The following PHF21A variants were observed in gnomAD, a reference collection of about 807,000 sequenced individuals.
PHF21A encodes the protein PHD finger protein 21A, also known as BHC80a.
A neutral mutation model predicts 82.5 loss-of-function variants in PHF21A; 11 were observed. The ratio of observed to expected loss-of-function variants is 0.13; its 90% CI spans 0.08 to 0.22. The LOEUF is 0.22. Ranked by LOEUF, PHF21A falls within the 10% of genes least tolerant of loss-of-function variation. The pLI is 1.00. For missense variants in PHF21A, 579 were observed against 837.8 expected, an observed-to-expected ratio of 0.69 and a Z score of 3.81; for synonymous variants, 297 against 302.8, an observed-to-expected ratio of 0.98 and a Z score of 0.20.
At chr11:46,045,981 T>C (rs1051932694) in intron 6 of PHF21A, among the ~76,000 whole-genome samples, 1 of 152,182 alleles carries the variant, frequency 6.6e-6, no homozygotes, top group Non-Finnish European at 1.5e-5. Context: ...TAAAACTCAA[T>C]ACATTTTGGG....
At chr11:45,992,457 G>A (rs556865081) in intron 6 of PHF21A, among the ~76,000 whole-genome samples, 4 of 152,158 alleles carry the variant, frequency 2.6e-5, no homozygotes, top group South Asian at 2.1e-4. Context: ...GGAGAATGGC[G>A]TGAACCCAGG....
intron 10 of PHF21A, among the ~76,000 whole-genome samples, chr11:45,957,751 C>CAAAAAAAAAAAAAAAAAAG (rs2092766197): frequency 4.9e-5 from 3 of 60,894 alleles, no homozygotes; most frequent in African/African-American, 1.2e-4. Context: ...AAATTCAAAG[C>CAAAAAAAAAAAAAAAAAAG]AAAAAAAAAA....
Position 46,114,741 on chromosome 11 carries a change from T to A in PHF21A, c.-237+6194A>T, listed in dbSNP as rs183667120. 2.0e-5 allele frequency among the ~76,000 whole-genome samples: 3 copies of A among 152,334 alleles called. No homozygotes were observed. In the East Asian group the frequency reaches 5.8e-4, roughly 29 times the overall value. On this transcript the variant is annotated intron_variant, in intron 1 of 18. Coordinates refer to ENST00000676320, the MANE Select transcript of PHF21A (RefSeq NM_001352027.3). Reference sequence around the variant, plus strand: ...AGTGAAATAATCAACTACTGTTTGATTTGTAAGTATGTCGCTTTGGAGATG... The same window carrying A: ...AGTGAAATAATCAACTACTGTTTGAATTGTAAGTATGTCGCTTTGGAGATG...
rs182632943 is a variant in PHF21A, at chr11:46,059,555, A to G, written c.153+17199T>C. Among the ~76,000 whole-genome samples the G allele has an allele frequency of 2.8e-4, 42 of 152,128 alleles. No individual in the cohort carries two copies. In the East Asian group the frequency reaches 6.4e-3, roughly 23 times the overall value. On this transcript the variant is annotated intron_variant, in intron 6 of 18. Transcript: ENST00000676320. ...ATCCTCCTGACTCAGCTTCCCAAGT[A>G]GCTGGGACTACACACATGCCACCAC...
At chr11:46,119,734 G>C (rs1192930500) in intron 1 of PHF21A, 2 of 97,188 alleles carry the variant, frequency 2.1e-5, no homozygotes, top group Non-Finnish European at 4.2e-5. Flanking sequence ...CATCGCGAAC[G>C]TGGTCAGGGG....
intron 6 of PHF21A, among the ~76,000 whole-genome samples, chr11:46,053,043 C>T (rs1186247532): frequency 2.6e-5 from 4 of 152,098 alleles, no homozygotes; most frequent in Admixed American, 6.6e-5. Context: ...CTAAGGGCCT[C>T]GAGTAATGTG....
At chr11:45,967,614 C>A (rs868174687) in intron 9 of PHF21A, among the ~76,000 whole-genome samples, 1 of 152,174 alleles carries the variant, frequency 6.6e-6, no homozygotes, top group Non-Finnish European at 1.5e-5. Flanking sequence ...CTGAGCTATC[C>A]TTGGACAGCT....
chr11:45,947,041 G>C (rs1313980525), intron 14 of PHF21A, among the ~76,000 whole-genome samples: 2 of 152,182 alleles, frequency 1.3e-5, no homozygotes, highest in Non-Finnish European at 1.5e-5. Context: ...CAAACATCCT[G>C]ATAAACTACA....
intron 6 of PHF21A, among the ~76,000 whole-genome samples, chr11:45,997,312 T>A (rs1252571759): frequency 1.3e-5 from 2 of 152,208 alleles, no homozygotes; most frequent in African/African-American, 2.4e-5. Flanking sequence ...GTATCCTTTT[T>A]AAAAATGCTT....
chr11:45,965,498 G>T lies in PHF21A; in HGVS notation c.813C>A (p.Thr271=). 1 of 1,613,408 alleles carries T rather than the reference G, an allele frequency of 6.2e-7. No individual in the cohort carries two copies. The highest frequency in any genetic ancestry group is 1.1e-5 in the South Asian group (1 of 90,906). Residue 271 remains threonine (T), a synonymous_variant, in exon 10 of 19, where the codon ACC becomes ACA. Coordinates refer to ENST00000676320, the MANE Select transcript of PHF21A (RefSeq NM_001352027.3). The stretch of plus-strand genomic sequence containing the variant: ...TCTGGGATGTGGGAAGGGTTGTGGG[G>T]GTGAACTTGGTCAGCATGACGGGCC... ...IQRPVMLTKF[T]PTTLPTSQNS...
intron 6 of PHF21A, among the ~76,000 whole-genome samples, chr11:46,029,452 C>T (rs899412383): frequency 6.6e-6 from 1 of 152,210 alleles, no homozygotes; most frequent in African/African-American, 2.4e-5. Context: ...CACGGGGAGG[C>T]CAAGGCGGGC....
At chr11:46,081,449 TA>T (rs1269994373) in intron 4 of PHF21A, among the ~76,000 whole-genome samples, 1 of 152,232 alleles carries the variant, frequency 6.6e-6, no homozygotes, top group Non-Finnish European at 1.5e-5. Flanking sequence ...TACTACGCTG[TA>T]ACGTTTTAGA....
intron 6 of PHF21A, among the ~76,000 whole-genome samples, chr11:45,994,710 CTG>C (rs2094842076): frequency 2.0e-5 from 3 of 152,348 alleles, no homozygotes; most frequent in Non-Finnish European, 2.9e-5. Context: ...TATTTCAACT[CTG>C]TGCTGAGCTG....
At position 46,120,000 on chromosome 11, in the gene PHF21A, T is replaced by G. The variant is rs1852653033; in HGVS notation, c.-237+935A>C. On this transcript the variant is annotated intron_variant, in intron 1 of 18. Coordinates refer to ENST00000676320, the MANE Select transcript of PHF21A (RefSeq NM_001352027.3). ...CGCGGCCGCCGGCGGCGGGGGCGAA[T>G]GCGGGAGGGCCGGCCCCGGGGTGAG... 2 of 145,312 alleles carry G rather than the reference T, an allele frequency of 1.4e-5. 1 individual carries two copies. Among genetic ancestry groups the G allele is most frequent in the South Asian group, 4.3e-4 (2 of 4,630 alleles). 9.0% of individuals were successfully genotyped at this position (145,312 alleles called of 1,614,324 possible).
intron 6 of PHF21A, among the ~76,000 whole-genome samples, chr11:46,071,588 A>C (rs1170613214): frequency 6.6e-6 from 1 of 152,220 alleles, no homozygotes; most frequent in Non-Finnish European, 1.5e-5. Flanking sequence ...TCAATAAAAC[A>C]CTAGTTTCTG....
intron 1 of PHF21A, among the ~76,000 whole-genome samples, chr11:46,110,786 C>T (rs898314330): frequency 3.0e-5 from 4 of 135,108 alleles, no homozygotes; most frequent in African/African-American, 8.7e-5. Flanking sequence ...TACATATTAA[C>T]AATTTTTTTT....
intron 1 of PHF21A, among the ~76,000 whole-genome samples, chr11:46,119,444 A>G (rs1229798591): frequency 6.6e-6 from 1 of 152,232 alleles, no homozygotes; most frequent in Non-Finnish European, 1.5e-5. Flanking sequence ...GAGATCCTCT[A>G]CTTCCAGACC....
chr11:45,998,702 G>C (rs1327818776), intron 6 of PHF21A, among the ~76,000 whole-genome samples: 8 of 151,864 alleles, frequency 5.3e-5, no homozygotes, highest in Admixed American at 3.3e-4. Flanking sequence ...AGTAGAGACG[G>C]GGTTTCTCCA....
At chr11:46,119,128 C>T (rs1448064094) in intron 1 of PHF21A, among the ~76,000 whole-genome samples, 1 of 149,276 alleles carries the variant, frequency 6.7e-6, no homozygotes, top group Non-Finnish European at 1.5e-5. Context: ...AAAAAACTTT[C>T]ATCAGCCCAA....
Sources: allele counts gnomAD v4.1 joint callset (sites outside exome capture counted in the v4.1 genomes callset), GRCh38; gene constraint gnomAD v4.1.1; transcripts MANE v1.5; gene names NCBI Gene and HGNC (gene_info 2026-07-23, HGNC 2026-07-21).